Variants in EGFR observed in about 807,000 individuals in gnomAD.
EGFR encodes epidermal growth factor receptor.
In EGFR, 58 loss-of-function variants were observed where a neutral mutation model predicts 143.0. The observed-to-expected ratio is 0.41, with a 90% confidence interval of 0.33 to 0.50. The LOEUF is 0.50. EGFR is among the 20% of genes least tolerant of loss of function. EGFR has a pLI of 0.39. For missense variants in EGFR, 1,307 were observed against 1,579.0 expected (o/e 0.83, Z 2.92); for synonymous variants, 613 against 594.4 (o/e 1.03, Z -0.45).
chr7:55,154,262 T>A (rs1455986731), intron 7 of EGFR, 110 bp downstream of exon 7: 81 of 1,549,906 alleles, frequency 5.2e-5, no homozygotes, highest in Non-Finnish European at 5.8e-5. Context: ...TGGATGTGTT[T>A]GCCTTGCTTG....
chr7:55,144,522 G>C (rs947170479), intron 3 of EGFR, among the ~76,000 whole-genome samples: 1 of 152,176 alleles, frequency 6.6e-6, no homozygotes, highest in Non-Finnish European at 1.5e-5. Flanking sequence ...CCAGCAGAGG[G>C]AGTCATATCC....
intron 1 of EGFR, among the ~76,000 whole-genome samples, chr7:55,059,624 A>C (rs1789051432): frequency 6.7e-6 from 1 of 148,724 alleles, no homozygotes; most frequent in South Asian, 2.2e-4. Context: ...CCACCTGCTC[A>C]CTCCTCCTTC....
chr7:55,201,788 TATGAACACCTTATAAGCCAGA>T lies in EGFR; in HGVS notation c.3162+9_3162+29del. 2 of 1,614,208 alleles carry T rather than the reference TATGAACACCTTATAAGCCAGA, an allele frequency of 1.2e-6. No individual in the cohort carries two copies. The highest frequency in any genetic ancestry group is 1.7e-6 in the Non-Finnish European group (2 of 1,180,016). ...CTTGCATTGATAGAAATGGGGTATG[TATGAACACCTTATAAGCCAGA>T]ATTTACAGCTCTCCACTATGGCTCT... is the stretch of plus-strand genomic sequence containing the variant. On this transcript the variant is annotated splice_region_variant and intron_variant, in intron 26 of 27. Transcript: ENST00000275493.
chr7:55,143,275 A>AAATCAGAGG (rs1395557299), intron 2 of EGFR, 30 bp from the exon 3 acceptor site: 1 of 1,613,624 alleles, frequency 6.2e-7, no homozygotes, highest in East Asian at 2.2e-5. Context: ...CTCAAAAGAG[A>AAATCAGAGG]AATCACGCAT....
intron 22 of EGFR, 98 bp from the exon 23 acceptor site, chr7:55,198,619 A>G (rs1361915627): frequency 3.2e-6 from 5 of 1,577,184 alleles, no homozygotes; most frequent in Non-Finnish European, 4.3e-6. Flanking sequence ...AGGTTTCTAA[A>G]CATCAAGAAA....
At chr7:55,172,605 T>C (rs535668548) in intron 16 of EGFR, among the ~76,000 whole-genome samples, 6 of 152,328 alleles carry the variant, frequency 3.9e-5, no homozygotes, top group Admixed American at 1.3e-4. Context: ...GGCACTTCAA[T>C]TGCATGGAAA....
At chr7:55,197,056 G>T (rs1787650118) in intron 22 of EGFR, among the ~76,000 whole-genome samples, 1 of 152,098 alleles carries the variant, frequency 6.6e-6, no homozygotes, top group African/African-American at 2.4e-5. Flanking sequence ...AATCTCATTG[G>T]TAGTGTGATA....
intron 1 of EGFR, among the ~76,000 whole-genome samples, chr7:55,092,155 C>T (rs1584017457): frequency 6.6e-6 from 1 of 152,104 alleles, no homozygotes; most frequent in East Asian, 1.9e-4. Context: ...TCCTGCTCTG[C>T]TCAGGACAGA....
rs565767017 is a variant in EGFR at position 55,190,016 on chromosome 7, C to T, written c.2470-1703C>T. 4.6e-5 allele frequency among the ~76,000 whole-genome samples: 7 copies of T among 152,254 alleles called. No homozygotes were observed. In the South Asian group the frequency reaches 1.0e-3, roughly 23 times the overall value. On this transcript the variant is annotated intron_variant, in intron 20 of 27. Coordinates refer to ENST00000275493, the MANE Select transcript of EGFR (RefSeq NM_005228.5). ...GCAAGTCAGCATCGCAGGAGTCAAA[C>T]GAGGCAGACAGCGGGGGCAGGGAGC... is the stretch of plus-strand genomic sequence containing the variant.
At chr7:55,084,322 C>G (rs1378390769) in intron 1 of EGFR, among the ~76,000 whole-genome samples, 4 of 152,180 alleles carry the variant, frequency 2.6e-5, no homozygotes, top group Non-Finnish European at 4.4e-5. Flanking sequence ...AGAGGCCACC[C>G]TCTCCATAAG....
chr7:55,119,859 A>G (rs891061833), intron 1 of EGFR, among the ~76,000 whole-genome samples: 3 of 152,178 alleles, frequency 2.0e-5, no homozygotes, highest in Admixed American at 6.5e-5. Context: ...CCCCAGGGCC[A>G]TGGGCACAAC....
At chr7:55,171,002 A>C (rs887734341) in intron 15 of EGFR, 173 bp from the exon 16 acceptor site, 25 of 1,470,646 alleles carry the variant, frequency 1.7e-5, no homozygotes, top group Non-Finnish European at 2.1e-5. Flanking sequence ...TGAACAAATG[A>C]ATAAATGCAT....
chr7:55,112,112 G>A (rs1562724109), intron 1 of EGFR, among the ~76,000 whole-genome samples: 2 of 152,142 alleles, frequency 1.3e-5, no homozygotes, highest in African/African-American at 2.4e-5. Flanking sequence ...CCGGAAGCAG[G>A]GCAGCAAGGT....
intron 4 of EGFR, among the ~76,000 whole-genome samples, chr7:55,148,678 T>A (rs1021510853): frequency 6.6e-6 from 1 of 152,118 alleles, no homozygotes; most frequent in African/African-American, 2.4e-5. Context: ...ATTAGGTATG[T>A]TGGGTTAGTC....
intron 1 of EGFR, among the ~76,000 whole-genome samples, chr7:55,140,153 T>C (rs1360117045): frequency 2.0e-5 from 3 of 152,106 alleles, no homozygotes; most frequent in Admixed American, 1.3e-4. Flanking sequence ...TAATCTTAAA[T>C]GGCATGTTTT....
chr7:55,050,485 A>G (rs1788426365), intron 1 of EGFR, among the ~76,000 whole-genome samples: 1 of 152,156 alleles, frequency 6.6e-6, no homozygotes, highest in Non-Finnish European at 1.5e-5. Context: ...TCATTTATCC[A>G]TTCATCCACG....
intron 15 of EGFR, among the ~76,000 whole-genome samples, chr7:55,167,258 T>G (rs111386597): frequency 5.9e-5 from 3 of 51,022 alleles, no homozygotes; most frequent in Non-Finnish European, 3.9e-5. Flanking sequence ...ACAATGGTGG[T>G]GGTGGTGATG....
In EGFR at chr7:55,019,243, C is replaced by A. The variant is rs1201567698; in HGVS notation, c.-35C>A. 1 of 1,454,074 alleles carries A rather than the reference C, an allele frequency of 6.9e-7. No individual in the cohort carries two copies. Among genetic ancestry groups the A allele is most frequent in the Non-Finnish European group, 9.2e-7 (1 of 1,091,190 alleles). The allele number at this position is 1,454,074 out of a possible 1,614,324, so 90.1% of individuals were successfully genotyped here. ...CCCCCTGACTCCGTCCAGTATTGAT[C>A]GGGAGAGCCGGAGCGAGCTCTTCGG... On this transcript the variant is annotated 5_prime_UTR_variant, in exon 1 of 28. Transcript: ENST00000275493.
chr7:55,131,475 T>A (rs1793827905), intron 1 of EGFR, among the ~76,000 whole-genome samples: 2 of 152,032 alleles, frequency 1.3e-5, no homozygotes, highest in Admixed American at 1.3e-4. Flanking sequence ...TCTCATCTGT[T>A]CCCCGCAGTA....
Sources: gnomAD v4.1 joint callset for allele counts (sites outside exome capture counted in the v4.1 genomes callset) on GRCh38, gnomAD v4.1.1 for gene constraint, MANE v1.5 for transcripts, NCBI Gene and HGNC (gene_info 2026-07-23, HGNC 2026-07-21) for gene names.